Variants in FRRS1L observed in about 807,000 individuals in gnomAD.
FRRS1L encodes the protein ferric chelate reductase 1 like, also known as DOMON domain-containing protein FRRS1L.
In FRRS1L, 22 loss-of-function variants were observed where a neutral mutation model predicts 28.6. The observed-to-expected ratio is 0.77, with a 90% CI of 0.55 to 1.10. The LOEUF is 1.10. Among genes scored for constraint, FRRS1L ranks in the 50% least tolerant of loss-of-function variants. The pLI is 0.00. For synonymous variants in FRRS1L, 158 were observed against 151.4 expected, an observed-to-expected ratio of 1.04 and a Z score of -0.32; for missense variants, 380 against 386.9, an observed-to-expected ratio of 0.98 and a Z score of 0.15.
intron 1 of FRRS1L, 183 bp from the exon 2 acceptor site, chr9:109,149,903 G>A: frequency 1.7e-6 from 1 of 574,726 alleles, no homozygotes. Context: ...CACACCTTTG[G>A]ACCTAATCTT....
intron 1 of FRRS1L, chr9:109,149,992 C>CTTTTTTTTTTTTTTGAGACGG: frequency 8.6e-6 from 3 of 349,118 alleles, no homozygotes; most frequent in Non-Finnish European, 1.6e-5. Flanking sequence ...GGCACAATTT[C>CTTTTTTTTTTTTTTGAGACGG]ATATAACCAC....
Position 109,166,889 on chromosome 9 carries a change from C to A in FRRS1L, c.238+12G>T. 1 of 1,296,944 alleles carries A rather than the reference C, an allele frequency of 7.7e-7. No individual in the cohort carries two copies. Among genetic ancestry groups the A allele is most frequent in the South Asian group, 2.2e-5 (1 of 45,486 alleles). 80.3% of individuals were successfully genotyped at this position (1,296,944 alleles called of 1,614,324 possible). A position where few individuals can be genotyped will look rare whatever the true frequency, so the allele number is the denominator to read the frequency against. On this transcript the variant is annotated intron_variant, in intron 1 of 4. Transcript: ENST00000561981. Reference sequence around the variant, plus strand: ...TCCCCTCCCGCAACCCCTCGCCCTCCCGCAGCCTCACCCTCCTCCGACAGG... The same window carrying A: ...TCCCCTCCCGCAACCCCTCGCCCTCACGCAGCCTCACCCTCCTCCGACAGG...
chr9:109,137,341 T>C lies in FRRS1L; in HGVS notation c.*114A>G, dbSNP rs77696081. On this transcript the variant is annotated 3_prime_UTR_variant, in exon 5 of 5. Transcript: ENST00000561981. ...TTTCTTCCAAAAAGCTGAAATTATA[T>C]GAGGTTTTTTTTCTTAAATAATTGA... 555 of 598,940 alleles carry C rather than the reference T, an allele frequency of 9.3e-4. 3 individuals are homozygous for C. The African/African-American group carries it at 9.6e-3, about 10-fold the overall frequency. The allele number at this position is 598,940 out of a possible 1,614,324, so 37.1% of individuals were successfully genotyped here.
chr9:109,137,566 G>A lies in FRRS1L; in HGVS notation c.771C>T (p.Tyr257=), dbSNP rs1432798763. 6.2e-7 allele frequency: 1 copy of A among 1,612,704 alleles called. No homozygotes were observed. Among genetic ancestry groups the A allele is most frequent in the South Asian group, 1.1e-5 (1 of 90,934 alleles). Residue 257 remains tyrosine (Y), a synonymous_variant, in exon 5 of 5, where the codon TAC becomes TAT. Transcript: ENST00000561981. ...PPASERVVSI[Y]KYEDIFMPSA... ...ATGGCATAAAAATGTCTTCATACTTGTAAATACTGACAACACGCTCTGAAG... is the reference window on the plus strand; with the variant it reads ...ATGGCATAAAAATGTCTTCATACTTATAAATACTGACAACACGCTCTGAAG...
In FRRS1L at chr9:109,149,765, T is replaced by C. The variant is rs1340334567; in HGVS notation, c.239-45A>G. On this transcript the variant is annotated intron_variant, in intron 1 of 4. Transcript: ENST00000561981. Reference sequence around the variant, plus strand: ...AAGGGTTAGAAAATCCAGTAACAACTGTTCCAATGAGAATTTTTAAAAATG... The same window carrying C: ...AAGGGTTAGAAAATCCAGTAACAACCGTTCCAATGAGAATTTTTAAAAATG... The C allele has an allele frequency of 3.1e-6, 4 of 1,269,850 alleles. No individual in the cohort carries two copies. The African/African-American group carries it at 4.5e-5, about 14-fold the overall frequency. The allele number at this position is 1,269,850 out of a possible 1,614,324, so 78.7% of individuals were successfully genotyped here. A position where few individuals can be genotyped will look rare whatever the true frequency, so the allele number is the denominator to read the frequency against.
intron 2 of FRRS1L, chr9:109,147,797 G>A (rs1831282667): frequency 1.3e-5 from 2 of 152,382 alleles, no homozygotes; most frequent in African/African-American, 2.4e-5. Context: ...AGATCGTGCA[G>A]GGTCTTTGGA....
intron 1 of FRRS1L, among the ~76,000 whole-genome samples, chr9:109,153,821 A>T (rs192474222): frequency 1.4e-4 from 21 of 152,298 alleles, no homozygotes; most frequent in African/African-American, 4.3e-4. Context: ...TTTTTTCCTG[A>T]AATTAAATGA....
intron 1 of FRRS1L, among the ~76,000 whole-genome samples, chr9:109,152,425 G>A (rs1255100491): frequency 6.6e-6 from 1 of 152,032 alleles, no homozygotes; most frequent in Non-Finnish European, 1.5e-5. Flanking sequence ...TGGGATTACA[G>A]GCATGAGCCA....
At chr9:109,156,179 C>G (rs1831401012) in intron 1 of FRRS1L, among the ~76,000 whole-genome samples, 1 of 152,044 alleles carries the variant, frequency 6.6e-6, no homozygotes, top group Non-Finnish European at 1.5e-5. Context: ...TCAAATTTCT[C>G]CTTTTTAATT....
chr9:109,165,713 A>G (rs1182277264), intron 1 of FRRS1L, among the ~76,000 whole-genome samples: 1 of 152,210 alleles, frequency 6.6e-6, no homozygotes, highest in Non-Finnish European at 1.5e-5. Context: ...CAACCATATG[A>G]TTAAGTTGTG....
intron 1 of FRRS1L, chr9:109,150,298 A>G (rs1831316179): frequency 6.6e-6 from 1 of 152,074 alleles, no homozygotes; most frequent in African/African-American, 2.4e-5. Context: ...GCTCACTGCA[A>G]CCTGTCTCCT....
rs943057128 is a variant in FRRS1L, at chr9:109,131,750, G to A, written c.*5705C>T. On this transcript the variant is annotated 3_prime_UTR_variant, in exon 5 of 5. Transcript: ENST00000561981. ...GGATCGTCTGTGTATATAAACACAT[G>A]GAGAACCACCTAACTGTTCACTAAA... 1 of 152,056 alleles carries A rather than the reference G, an allele frequency of 6.6e-6. No individual in the cohort carries two copies. The highest frequency in any genetic ancestry group is 1.9e-4 in the East Asian group (1 of 5,180). The allele number at this position is 152,056 out of a possible 1,614,324, so 9.4% of individuals were successfully genotyped here.
At chr9:109,146,944 C>G in intron 3 of FRRS1L, 107 bp downstream of exon 3, 1 of 1,016,822 alleles carries the variant, frequency 9.8e-7, no homozygotes. Flanking sequence ...AGAGCCATAA[C>G]TAATTTGATC....
At chr9:109,150,015 G>A (rs1831312692) in intron 1 of FRRS1L, 1 of 250,948 alleles carries the variant, frequency 4.0e-6, no homozygotes, top group Non-Finnish European at 7.7e-6. Context: ...GCTTACCGCT[G>A]TCCCCTGGGA....
chr9:109,165,252 T>G (rs943351214), intron 1 of FRRS1L, among the ~76,000 whole-genome samples: 1 of 152,230 alleles, frequency 6.6e-6, no homozygotes. Flanking sequence ...GCTAGGTCAT[T>G]GTAACTATGT....
In FRRS1L at chr9:109,137,520, A is replaced by T. The variant is rs769371724; in HGVS notation, c.817T>A (p.Ser273Thr). The T allele has an allele frequency of 6.2e-7, 1 of 1,613,556 alleles. No individual in the cohort carries two copies. The highest frequency in any genetic ancestry group is 8.5e-7 in the Non-Finnish European group (1 of 1,179,606). ...FMPSAAYQTF[S>T]SPFCLLLIVA... ...ATCAGAAGCAAACAAAATGGAGATG[A>T]GAAGGTTTGATAGGCAGCTGATGGC... Residue 273 changes from serine (S) to threonine (T), a missense_variant, in exon 5 of 5, where the codon TCA (serine) becomes ACA (threonine). Transcript: ENST00000561981.
chr9:109,143,837 C>T (rs944595534), intron 3 of FRRS1L, among the ~76,000 whole-genome samples: 13 of 151,884 alleles, frequency 8.6e-5, no homozygotes, highest in East Asian at 7.7e-4. Context: ...AAAAGTTAAA[C>T]GCTTTTAAAA....
rs762363721 is a variant in FRRS1L, at chr9:109,137,411, A to G, written c.*44T>C. ...ATTCTTTAAAAAATATATTTATACTAAAGACTTCCCAATCCATGTAATCTG... is the reference window on the plus strand; with the variant it reads ...ATTCTTTAAAAAATATATTTATACTGAAGACTTCCCAATCCATGTAATCTG... On this transcript the variant is annotated 3_prime_UTR_variant, in exon 5 of 5. Transcript: ENST00000561981. 1.6e-6 allele frequency: 2 copies of G among 1,221,774 alleles called. No individual in the cohort carries two copies. Among genetic ancestry groups the G allele is most frequent in the South Asian group, 2.3e-5 (1 of 44,194 alleles). The allele number at this position is 1,221,774 out of a possible 1,614,324, so 75.7% of individuals were successfully genotyped here.
intron 1 of FRRS1L, among the ~76,000 whole-genome samples, chr9:109,161,824 G>A (rs561638839): frequency 4.2e-4 from 64 of 152,216 alleles, no homozygotes; most frequent in African/African-American, 1.5e-3. Flanking sequence ...TCTCTTTCCC[G>A]ACGGCCTCAA....
Sources: allele counts gnomAD v4.1 joint callset (sites outside exome capture counted in the v4.1 genomes callset), GRCh38; gene constraint gnomAD v4.1.1; transcripts MANE v1.5; gene names NCBI Gene and HGNC (gene_info 2026-07-23, HGNC 2026-07-21).